Variants in DLGAP2 observed in about 807,000 individuals in gnomAD.
DLGAP2 encodes DLG associated protein 2, also known as disks large-associated protein 2.
A neutral mutation model predicts 100.3 loss-of-function variants in DLGAP2; 26 were observed. The observed-to-expected ratio is 0.26, with a 90% CI of 0.19 to 0.36. The LOEUF is 0.36. Among genes scored for constraint, DLGAP2 ranks in the 10% least tolerant of loss-of-function variants. The pLI, the probability that DLGAP2 is intolerant of heterozygous loss-of-function variation, is 1.00. For synonymous variants in DLGAP2, 886 were observed against 630.1 expected (o/e 1.41, Z -6.08); for missense variants, 1,858 against 1,453.2 (o/e 1.28, Z -4.53).
chr8:911,668 A>T (rs1395815264), intron 2 of DLGAP2, among the ~76,000 whole-genome samples: 2 of 151,644 alleles, frequency 1.3e-5, no homozygotes, highest in Non-Finnish European at 2.9e-5. Flanking sequence ...TGTTGGAAGG[A>T]TGCGTATATA....
At chr8:1,001,138 T>C (rs185757528) in intron 2 of DLGAP2, among the ~76,000 whole-genome samples, 1 of 152,352 alleles carries the variant, frequency 6.6e-6, no homozygotes, top group Admixed American at 6.5e-5. Flanking sequence ...TATTCATGAG[T>C]GTGTGCCCCT....
chr8:1,695,909 C>T (rs1449950392), intron 13 of DLGAP2, among the ~76,000 whole-genome samples: 2 of 152,216 alleles, frequency 1.3e-5, no homozygotes, highest in Admixed American at 1.3e-4. Context: ...CAGGGCCGCC[C>T]TCCTGGGGAG....
At chr8:1,595,919 C>T (rs895531932) in intron 6 of DLGAP2, among the ~76,000 whole-genome samples, 57 of 151,524 alleles carry the variant, frequency 3.8e-4, no homozygotes, top group African/African-American at 1.2e-3. Context: ...ATGTGCACAA[C>T]GGGCAGGTTT....
intron 2 of DLGAP2, among the ~76,000 whole-genome samples, chr8:1,054,183 C>G (rs58823805): frequency 0.04 from 6,045 of 150,378 alleles, 370 homozygotes; most frequent in African/African-American, 0.14. Context: ...TGCACGCACA[C>G]ATGTACACGC....
In DLGAP2 at chr8:1,703,296, A is replaced by C. The variant is rs1799623592; in HGVS notation, c.*1890A>C. The C allele has an allele frequency of 1.4e-5, 2 of 142,238 alleles. No homozygotes were observed. Among genetic ancestry groups the C allele is most frequent in the South Asian group, 4.4e-4 (2 of 4,496 alleles). The allele number at this position is 142,238 out of a possible 1,614,324, so 8.8% of individuals were successfully genotyped here. ...CAGTACGAATGTATCTCCTTGAAAA[A>C]TGCAAAAAAAAAAAAATCCCTGAAA... On this transcript the variant is annotated 3_prime_UTR_variant, in exon 15 of 15. Transcript: ENST00000637795.
intron 8 of DLGAP2, among the ~76,000 whole-genome samples, chr8:1,647,014 C>T (rs1798055344): frequency 6.6e-6 from 1 of 152,220 alleles, no homozygotes; most frequent in South Asian, 2.1e-4. Flanking sequence ...CTTCAGCAGA[C>T]ACAGGGCTCA....
In DLGAP2 at chr8:1,549,519, G is replaced by A; in HGVS notation, c.1066G>A (p.Gly356Arg). The change falls in exon 5 of 15, where the codon GGG (glycine) becomes AGG (arginine). Residue 356 changes from glycine (G) to arginine (R), a missense_variant. Transcript: ENST00000637795. ...CGACGTCAAGTGCTCGGCCTGTGAG[G>A]GGTTGGCGCTGACGCCCGACGCCAA... is the stretch of plus-strand genomic sequence containing the variant. The part of the protein sequence containing the change: ...NNDVKCSACE[G>R]LALTPDAKYL... The A allele has an allele frequency of 6.2e-7, 1 of 1,613,466 alleles. No individual in the cohort carries two copies. Among genetic ancestry groups the A allele is most frequent in the Non-Finnish European group, 8.5e-7 (1 of 1,179,856 alleles).
intron 3 of DLGAP2, among the ~76,000 whole-genome samples, chr8:1,389,927 G>A (rs1040760442): frequency 6.6e-6 from 1 of 151,856 alleles, no homozygotes; most frequent in Non-Finnish European, 1.5e-5. Context: ...GAGGGGCCGC[G>A]GAGCACCCAG....
intron 2 of DLGAP2, among the ~76,000 whole-genome samples, chr8:935,333 G>A (rs992915637): frequency 7.2e-5 from 11 of 152,316 alleles, no homozygotes; most frequent in African/African-American, 2.6e-4. Context: ...CGTGAGCCCA[G>A]GATGCCCGGC....
At chr8:1,230,253 T>A (rs1468223345) in intron 2 of DLGAP2, among the ~76,000 whole-genome samples, 1 of 152,164 alleles carries the variant, frequency 6.6e-6, no homozygotes, top group Admixed American at 6.5e-5. Flanking sequence ...AAGAACGCTA[T>A]CCTATTCTTA....
chr8:1,145,088 A>T (rs1303647671), intron 2 of DLGAP2, among the ~76,000 whole-genome samples: 1 of 152,256 alleles, frequency 6.6e-6, no homozygotes, highest in African/African-American at 2.4e-5. Flanking sequence ...TGGCCAAGGG[A>T]CCAGGATGAA....
At chr8:1,041,444 G>A (rs772875610) in intron 2 of DLGAP2, among the ~76,000 whole-genome samples, 1 of 152,204 alleles carries the variant, frequency 6.6e-6, no homozygotes, top group Admixed American at 6.5e-5. Context: ...CAGGTTTTGG[G>A]GTGAGGGAGG....
intron 3 of DLGAP2, among the ~76,000 whole-genome samples, chr8:1,408,967 G>T (rs1796651731): frequency 6.6e-6 from 1 of 152,220 alleles, no homozygotes; most frequent in Non-Finnish European, 1.5e-5. Flanking sequence ...GATGTCTGTT[G>T]GGGAAGCATC....
intron 6 of DLGAP2, among the ~76,000 whole-genome samples, chr8:1,588,276 G>C (rs557140115): frequency 4.9e-4 from 74 of 152,210 alleles, no homozygotes; most frequent in African/African-American, 1.7e-3. Context: ...CGACCTTCGA[G>C]ATTCCAGAGA....
At chr8:1,130,953 G>T (rs1198262489) in intron 2 of DLGAP2, among the ~76,000 whole-genome samples, 1 of 152,164 alleles carries the variant, frequency 6.6e-6, no homozygotes, top group African/African-American at 2.4e-5. Context: ...GCTCTGAGGG[G>T]CCGGTCCTGG....
At chr8:1,109,198 G>A (rs1318080446) in intron 2 of DLGAP2, among the ~76,000 whole-genome samples, 7 of 23,418 alleles carry the variant, frequency 3.0e-4, no homozygotes, top group East Asian at 4.2e-3. Flanking sequence ...AGGTGTGCAC[G>A]TGCCTATGAA....
intron 3 of DLGAP2, among the ~76,000 whole-genome samples, chr8:1,449,064 C>G (rs779802808): frequency 2.6e-5 from 4 of 152,130 alleles, no homozygotes; most frequent in African/African-American, 9.7e-5. Context: ...TCCCGGCCCC[C>G]CAGAGCAGCT....
At position 1,046,510 on chromosome 8, in the gene DLGAP2, A is replaced by T. The variant is rs545307327; in HGVS notation, c.73+138544A>T. The stretch of plus-strand genomic sequence containing the variant: ...TGGAATAAAAAGAGATATTAAAGAG[A>T]GACATTAAAGGGGACCTAAGTAAGA... On this transcript the variant is annotated intron_variant, in intron 2 of 14. Coordinates refer to ENST00000637795, the MANE Select transcript of DLGAP2 (RefSeq NM_001346810.2). Among the ~76,000 whole-genome samples, 3 of 152,254 alleles carry T rather than the reference A, an allele frequency of 2.0e-5. No individual in the cohort carries two copies. The East Asian group carries it at 5.8e-4, about 29-fold the overall frequency.
intron 3 of DLGAP2, among the ~76,000 whole-genome samples, chr8:1,424,552 G>C (rs1797186960): frequency 6.6e-6 from 1 of 152,258 alleles, no homozygotes; most frequent in East Asian, 1.9e-4. Context: ...ACTATGCTGA[G>C]TGAAATAAGC....
Sources: allele counts gnomAD v4.1 joint callset (sites outside exome capture counted in the v4.1 genomes callset), GRCh38; gene constraint gnomAD v4.1.1; transcripts MANE v1.5; gene names NCBI Gene and HGNC (gene_info 2026-07-23, HGNC 2026-07-21).